FSTL4: variants seen among roughly 807,000 people sequenced by gnomAD.
The protein encoded by FSTL4 is follistatin like 4.
FSTL4 carries 28 observed loss-of-function variants against 78.2 expected under a neutral mutation model. The ratio of observed to expected loss-of-function variants is 0.36; its 90% CI spans 0.27 to 0.49. The LOEUF is 0.49. FSTL4 is among the 20% of genes least tolerant of loss of function. FSTL4 has a pLI of 0.98. For synonymous variants in FSTL4, 422 were observed against 440.5 expected (o/e 0.96, Z 0.53); for missense variants, 922 against 1,084.9 (o/e 0.85, Z 2.11).
At chr5:133,602,864 T>G (rs1043747954) in intron 2 of FSTL4, among the ~76,000 whole-genome samples, 1 of 152,200 alleles carries the variant, frequency 6.6e-6, no homozygotes, top group Non-Finnish European at 1.5e-5. Context: ...GAAAGAGAAA[T>G]CATGTCTTTT....
rs139055705 is a variant in FSTL4, at chr5:133,575,295, G to A, written c.127-8076C>T. 3.3e-5 allele frequency: 5 copies of A among 152,288 alleles called. No individual in the cohort carries two copies. In the South Asian group the frequency reaches 6.2e-4, roughly 19 times the overall value. 9.4% of individuals were successfully genotyped at this position (152,288 alleles called of 1,614,324 possible). ...CCAAGGAAATGCTCAACACACATTCGTGAAAAATATGACAGGGATTAAGAG... is the reference window on the plus strand; with the variant it reads ...CCAAGGAAATGCTCAACACACATTCATGAAAAATATGACAGGGATTAAGAG... On this transcript the variant is annotated intron_variant, in intron 2 of 15. Coordinates refer to ENST00000265342, the MANE Select transcript of FSTL4 (RefSeq NM_015082.2).
intron 6 of FSTL4, among the ~76,000 whole-genome samples, chr5:133,252,734 A>C (rs1462870538): frequency 6.6e-6 from 1 of 152,004 alleles, no homozygotes; most frequent in Non-Finnish European, 1.5e-5. Flanking sequence ...CCCTTCCTCC[A>C]TGTGGCCCCA....
the FSTL4 span, among the ~76,000 whole-genome samples, chr5:133,824,563 A>G: frequency 0.33 from 49,436 of 152,066 alleles, 9,342 homozygotes; most frequent in Non-Finnish European, 0.42. Flanking sequence ...GTACCTGAGT[A>G]TATTTCACCA....
chr5:133,354,901 G>A (rs1754910045), intron 4 of FSTL4, among the ~76,000 whole-genome samples: 1 of 152,224 alleles, frequency 6.6e-6, no homozygotes, highest in Non-Finnish European at 1.5e-5. Context: ...GAATGTCACT[G>A]CCGTGCTGGC....
At chr5:133,257,016 G>A (rs1179277546) in intron 6 of FSTL4, among the ~76,000 whole-genome samples, 1 of 152,226 alleles carries the variant, frequency 6.6e-6, no homozygotes, top group East Asian at 1.9e-4. Flanking sequence ...TAAAGGCAGA[G>A]ACTATATCTG....
intron 2 of FSTL4, among the ~76,000 whole-genome samples, chr5:133,568,624 T>A (rs1243071166): frequency 6.6e-6 from 1 of 152,084 alleles, no homozygotes; most frequent in East Asian, 1.9e-4. Flanking sequence ...GGAGTACTCA[T>A]CAGGTAAGGG....
chr5:133,763,256 G>A, the FSTL4 span, among the ~76,000 whole-genome samples: 2 of 152,214 alleles, frequency 1.3e-5, no homozygotes, highest in Non-Finnish European at 2.9e-5. Context: ...TTACCTACAA[G>A]AGTAGCCAAT....
chr5:133,413,339 T>C (rs1756516986), intron 3 of FSTL4, among the ~76,000 whole-genome samples: 2 of 152,144 alleles, frequency 1.3e-5, no homozygotes, highest in African/African-American at 4.8e-5. Flanking sequence ...TACTCTTATG[T>C]TCGTGTATTT....
At chr5:133,505,521 C>G (rs1758595747) in intron 3 of FSTL4, among the ~76,000 whole-genome samples, 1 of 152,208 alleles carries the variant, frequency 6.6e-6, no homozygotes, top group Non-Finnish European at 1.5e-5. Context: ...AGAAGACAAA[C>G]AGTAAGAGAA....
intron 3 of FSTL4, among the ~76,000 whole-genome samples, chr5:133,565,471 A>G (rs2112942289): frequency 6.6e-6 from 1 of 152,376 alleles, no homozygotes; most frequent in Non-Finnish European, 1.5e-5. Context: ...CAACTTTGAC[A>G]GAAACAAGCA....
At chr5:133,414,342 T>G (rs1236849169) in intron 3 of FSTL4, among the ~76,000 whole-genome samples, 3 of 152,164 alleles carry the variant, frequency 2.0e-5, no homozygotes, top group African/African-American at 4.8e-5. Context: ...TCTTTCTTGT[T>G]CACCCTTACA....
At chr5:133,761,577 A>G in the FSTL4 span, among the ~76,000 whole-genome samples, 6 of 152,234 alleles carry the variant, frequency 3.9e-5, no homozygotes, top group African/African-American at 1.4e-4. Flanking sequence ...GAACATGCAC[A>G]GCCTTAAATG....
At chr5:133,621,407 CACAAAAA>C in the FSTL4 span, among the ~76,000 whole-genome samples, 2 of 151,902 alleles carry the variant, frequency 1.3e-5, no homozygotes, top group Non-Finnish European at 2.9e-5. Flanking sequence ...CTCAAAAAAA[CACAAAAA>C]ACAAAAAACA....
chr5:133,816,886 A>C, the FSTL4 span, among the ~76,000 whole-genome samples: 1 of 152,324 alleles, frequency 6.6e-6, no homozygotes, highest in African/African-American at 2.4e-5. Context: ...TCTGCTGCTT[A>C]GCTGAAGCTC....
chr5:133,449,694 A>T (rs1757344177), intron 3 of FSTL4, among the ~76,000 whole-genome samples: 2 of 152,188 alleles, frequency 1.3e-5, no homozygotes, highest in South Asian at 4.1e-4. Flanking sequence ...AAGGTCCATC[A>T]CAGCAGTTCC....
intron 3 of FSTL4, among the ~76,000 whole-genome samples, chr5:133,465,656 G>A (rs1018008444): frequency 1.5e-4 from 23 of 152,218 alleles, no homozygotes; most frequent in Admixed American, 1.5e-3. Flanking sequence ...GGTTGGGCCA[G>A]TGCTCACTGT....
chr5:133,705,275 G>T, the FSTL4 span, among the ~76,000 whole-genome samples: 4 of 152,164 alleles, frequency 2.6e-5, no homozygotes, highest in Admixed American at 2.6e-4. Flanking sequence ...TGGCCAGGCT[G>T]GTCTTGAACT....
intron 3 of FSTL4, among the ~76,000 whole-genome samples, chr5:133,494,819 G>T (rs1481406630): frequency 1.3e-5 from 2 of 152,226 alleles, no homozygotes; most frequent in Non-Finnish European, 2.9e-5. Context: ...CTCACCTTGA[G>T]CACATCCCTC....
At chr5:133,574,030 T>C (rs1367547429) in intron 2 of FSTL4, among the ~76,000 whole-genome samples, 2 of 152,198 alleles carry the variant, frequency 1.3e-5, no homozygotes, top group East Asian at 3.8e-4. Flanking sequence ...ACCAAAAGAA[T>C]ATCTCAGACT....
Sources: gnomAD v4.1 joint callset for allele counts (sites outside exome capture counted in the v4.1 genomes callset) on GRCh38, gnomAD v4.1.1 for gene constraint, MANE v1.5 for transcripts, NCBI Gene and HGNC (gene_info 2026-07-23, HGNC 2026-07-21) for gene names.